Variants in RBFOX1 observed in about 807,000 individuals in gnomAD.
RBFOX1 encodes RNA binding protein fox-1 homolog 1.
Under a neutral mutation model 57.7 loss-of-function variants are expected in RBFOX1, and 8 were observed. That is an observed-to-expected ratio of 0.14 (90% confidence interval 0.08 to 0.25). The LOEUF (loss-of-function observed/expected upper bound fraction) is 0.25. Ranked by LOEUF, RBFOX1 falls within the 10% of genes least tolerant of loss-of-function variation. The pLI, the probability that RBFOX1 is intolerant of heterozygous loss-of-function variation, is 1.00. For synonymous variants in RBFOX1, 326 were observed against 222.4 expected (o/e 1.47, Z -4.15); for missense variants, 611 against 548.5 (o/e 1.11, Z -1.14).
At chr16:6,919,004 A>T (rs1170633041) in intron 3 of RBFOX1, among the ~76,000 whole-genome samples, 1 of 152,128 alleles carries the variant, frequency 6.6e-6, no homozygotes, top group Non-Finnish European at 1.5e-5. Flanking sequence ...TTTTTGAGGC[A>T]GAGTGTTGCT....
At chr16:6,052,801 AAATAT>A (rs1018380920) in intron 1 of RBFOX1, among the ~76,000 whole-genome samples, 2 of 85,906 alleles carry the variant, frequency 2.3e-5, no homozygotes, top group South Asian at 3.5e-4. Flanking sequence ...AAATAAAATA[AAATAT>A]AATAATAATA....
chr16:6,349,550 G>A (rs908793630), intron 2 of RBFOX1, among the ~76,000 whole-genome samples: 1 of 152,332 alleles, frequency 6.6e-6, no homozygotes, highest in Middle Eastern at 3.4e-3. Flanking sequence ...TATGTCATTA[G>A]TGGTTGGTAA....
At chr16:5,259,258 T>G (rs1167820398) in intron 1 of RBFOX1, among the ~76,000 whole-genome samples, 1 of 152,012 alleles carries the variant, frequency 6.6e-6, no homozygotes, top group Non-Finnish European at 1.5e-5. Flanking sequence ...ATTATGTGTG[T>G]GTGGGTGCTT....
In RBFOX1 at chr16:6,118,721, CTT is replaced by C. The variant is rs200912372; in HGVS notation, c.-127+98731_-127+98732del. 6.2e-3 allele frequency among the ~76,000 whole-genome samples: 861 copies of C among 139,626 alleles called. 12 individuals are homozygous for C. The highest frequency in any genetic ancestry group is 0.026 in the African/African-American group (809 of 30,982). The allele number at this position is 139,626 out of a possible 152,430, so 91.6% of individuals were successfully genotyped here. ...CTTCCTTCCTTCTTTGTTTCTCCCT[CTT>C]TCTCTCTCTCTCTCTGTCCTTCCTT... On this transcript the variant is annotated intron_variant, in intron 1 of 15. Coordinates refer to ENST00000550418, the MANE Select transcript of RBFOX1 (RefSeq NM_018723.4).
chr16:5,819,194 G>T (rs758571971), intron 3 of RBFOX1, among the ~76,000 whole-genome samples: 5 of 152,190 alleles, frequency 3.3e-5, no homozygotes, highest in African/African-American at 7.2e-5. Flanking sequence ...AGCAGCTTCA[G>T]TGTCTGCTAA....
intron 3 of RBFOX1, among the ~76,000 whole-genome samples, chr16:7,016,338 A>G (rs2153664007): frequency 6.6e-6 from 1 of 152,294 alleles, no homozygotes; most frequent in Middle Eastern, 3.4e-3. Context: ...ATATGGTGTC[A>G]TGGTATAAAC....
chr16:6,916,013 A>ACTT (rs1446318348), intron 3 of RBFOX1, among the ~76,000 whole-genome samples: 2 of 88,542 alleles, frequency 2.3e-5, no homozygotes, highest in African/African-American at 3.5e-5. Flanking sequence ...GGGAAAACTT[A>ACTT]AAGACAGCTG....
intron 1 of RBFOX1, among the ~76,000 whole-genome samples, chr16:6,178,668 C>T (rs758427063): frequency 5.3e-5 from 8 of 152,102 alleles, no homozygotes; most frequent in Admixed American, 3.3e-4. Flanking sequence ...TCTTTGAGCC[C>T]GGATGATCCT....
In RBFOX1 at chr16:6,568,376, G is replaced by T. The variant is rs2097296920; in HGVS notation, c.-63-86227G>T. On this transcript the variant is annotated intron_variant, in intron 2 of 15. Transcript: ENST00000550418. The stretch of plus-strand genomic sequence containing the variant: ...GGGCCTCTTTACAGGCTGCTGGAGT[G>T]TCCTGGAGACATGGCGGATGGCTCT... 1.3e-5 allele frequency among the ~76,000 whole-genome samples: 2 copies of T among 152,162 alleles called. 1 individual carries two copies. Among genetic ancestry groups the T allele is most frequent in the South Asian group, 4.1e-4 (2 of 4,830 alleles).
chr16:6,717,650 C>G (rs2065097727), intron 3 of RBFOX1, among the ~76,000 whole-genome samples: 1 of 151,584 alleles, frequency 6.6e-6, no homozygotes, highest in South Asian at 2.1e-4. Context: ...GACTCTCTGT[C>G]AGCTCAGCAA....
At chr16:6,006,810 G>A (rs1243810543) in intron 4 of RBFOX1, among the ~76,000 whole-genome samples, 1 of 152,348 alleles carries the variant, frequency 6.6e-6, no homozygotes, top group South Asian at 2.1e-4. Context: ...GTGGAAATGA[G>A]GGGAACCTAA....
chr16:7,221,344 ATTAT>A (rs540158760), intron 4 of RBFOX1, among the ~76,000 whole-genome samples: 62 of 114,632 alleles, frequency 5.4e-4, no homozygotes, highest in South Asian at 1.2e-3. Context: ...TTTTTATTTG[ATTAT>A]TTATTTATTT....
chr16:5,727,780 T>A (rs1025010874), intron 3 of RBFOX1, among the ~76,000 whole-genome samples: 1 of 152,166 alleles, frequency 6.6e-6, no homozygotes, highest in Non-Finnish European at 1.5e-5. Context: ...CTCAAACTTC[T>A]GGATTCACGT....
At chr16:6,745,332 A>G (rs2073321925) in intron 3 of RBFOX1, among the ~76,000 whole-genome samples, 1 of 152,008 alleles carries the variant, frequency 6.6e-6, no homozygotes, top group African/African-American at 2.4e-5. Context: ...AAAACCAGGA[A>G]AAAATTCACA....
At chr16:5,425,352 C>A (rs995330774) in intron 1 of RBFOX1, among the ~76,000 whole-genome samples, 2 of 152,114 alleles carry the variant, frequency 1.3e-5, no homozygotes, top group Non-Finnish European at 2.9e-5. Flanking sequence ...GATCCGCCCA[C>A]CTTGGCCTCC....
intron 3 of RBFOX1, among the ~76,000 whole-genome samples, chr16:6,839,840 C>A (rs1018911836): frequency 6.6e-6 from 1 of 152,156 alleles, no homozygotes; most frequent in African/African-American, 2.4e-5. Context: ...ATAATCATAC[C>A]TCTGTTCTTA....
intron 1 of RBFOX1, among the ~76,000 whole-genome samples, chr16:5,379,679 G>T (rs947010402): frequency 3.3e-5 from 5 of 152,168 alleles, no homozygotes; most frequent in Non-Finnish European, 5.9e-5. Context: ...AGATAGATCA[G>T]TGGTTTATCA....
intron 4 of RBFOX1, among the ~76,000 whole-genome samples, chr16:7,137,546 T>A (rs1376781307): frequency 6.6e-6 from 1 of 152,198 alleles, no homozygotes; most frequent in Non-Finnish European, 1.5e-5. Context: ...CCCAGCCACG[T>A]GGAACTGTGA....
intron 1 of RBFOX1, among the ~76,000 whole-genome samples, chr16:5,347,697 C>T (rs2065172153): frequency 6.6e-6 from 1 of 150,816 alleles, no homozygotes; most frequent in East Asian, 2.0e-4. Flanking sequence ...CTCTCCTACC[C>T]TTCCACCCAC....
Sources: allele counts gnomAD v4.1 joint callset (sites outside exome capture counted in the v4.1 genomes callset), GRCh38; gene constraint gnomAD v4.1.1; transcripts MANE v1.5; gene names NCBI Gene and HGNC (gene_info 2026-07-23, HGNC 2026-07-21).